Variants in PCSK1 observed in about 807,000 individuals in gnomAD.
PCSK1 encodes proprotein convertase subtilisin/kexin type 1, also known as neuroendocrine convertase 1.
In PCSK1, 56 loss-of-function variants were observed where a neutral mutation model predicts 90.6. The observed-to-expected ratio is 0.62, with a 90% CI of 0.50 to 0.77. The LOEUF (loss-of-function observed/expected upper bound fraction) is 0.77, where lower values mean the gene tolerates loss of function less well. Ranked by LOEUF, PCSK1 falls within the 30% of genes least tolerant of loss-of-function variation. PCSK1 has a pLI of 0.00. For synonymous variants in PCSK1, 348 were observed against 342.4 expected, an observed-to-expected ratio of 1.02 and a Z score of -0.18; for missense variants, 801 against 932.6, an observed-to-expected ratio of 0.86 and a Z score of 1.84.
chr5:96,419,422 T>TCTCTCTCTCC (rs1294504523), intron 5 of PCSK1, among the ~76,000 whole-genome samples: 1 of 144,026 alleles, frequency 6.9e-6, no homozygotes, highest in African/African-American at 2.8e-5. Context: ...TACCTCTCTC[T>TCTCTCTCTCC]CTCTCTCTCT....
intron 9 of PCSK1, among the ~76,000 whole-genome samples, chr5:96,406,706 G>A (rs1022578087): frequency 6.6e-6 from 1 of 152,216 alleles, no homozygotes; most frequent in Non-Finnish European, 1.5e-5. Flanking sequence ...CTGTTATTAC[G>A]AACTGAGTCT....
chr5:96,432,264 T>TC (rs952768889), intron 1 of PCSK1: 3 of 744,508 alleles, frequency 4.0e-6, no homozygotes, highest in South Asian at 1.8e-5. Context: ...CCACCATTTC[T>TC]CCCCCCAGCT....
At position 96,429,195 on chromosome 5, in the gene PCSK1, C is replaced by T; in HGVS notation, c.285+18G>A. 8.1e-7 allele frequency: 1 copy of T among 1,235,450 alleles called. No individual in the cohort carries two copies. The highest frequency in any genetic ancestry group is 1.9e-4 in the Middle Eastern group (1 of 5,288). 76.5% of individuals were successfully genotyped at this position (1,235,450 alleles called of 1,614,324 possible). On this transcript the variant is annotated intron_variant, in intron 2 of 13. Transcript: ENST00000311106. ...ATAAGCTAGAGTATTGGTTTGAAGACAAATGTACAACACTTACACGATCAT... is the reference window on the plus strand; with the variant it reads ...ATAAGCTAGAGTATTGGTTTGAAGATAAATGTACAACACTTACACGATCAT...
chr5:96,394,829 A>C (rs767373755), intron 13 of PCSK1, 35 bp downstream of exon 13: 1 of 1,608,944 alleles, frequency 6.2e-7, no homozygotes, highest in Non-Finnish European at 8.5e-7. Flanking sequence ...ACCCCAGTTC[A>C]AAAGAGAGCA....
intron 5 of PCSK1, among the ~76,000 whole-genome samples, chr5:96,418,587 A>C (rs541805443): frequency 1.3e-5 from 2 of 152,218 alleles, no homozygotes; most frequent in Non-Finnish European, 2.9e-5. Flanking sequence ...GGTAATAAAG[A>C]ACAACAGCAA....
In PCSK1 at chr5:96,399,957, G is replaced by A; in HGVS notation, c.1426C>T (p.Pro476Ser). Residue 476 changes from proline (P) to serine (S), a missense_variant, in exon 10 of 14, where the codon CCC becomes TCC. Coordinates refer to ENST00000311106, the MANE Select transcript of PCSK1 (RefSeq NM_000439.5). ...AAAATTCCAGGAGATACTTACCTGG[G>A]CTCAAAGTCATTGTCCTTTACAACA... ...ECVVKDNDFE[P>S]RALKANGEVI... 6.2e-7 allele frequency: 1 copy of A among 1,609,774 alleles called. No homozygotes were observed. The highest frequency in any genetic ancestry group is 8.5e-7 in the Non-Finnish European group (1 of 1,176,136).
At chr5:96,409,393 G>A (rs575321892) in intron 8 of PCSK1, among the ~76,000 whole-genome samples, 1 of 152,320 alleles carries the variant, frequency 6.6e-6, no homozygotes, top group East Asian at 1.9e-4. Flanking sequence ...CGGAAGCAAG[G>A]TTGCCCTTTT....
intron 2 of PCSK1, among the ~76,000 whole-genome samples, chr5:96,427,397 T>C (rs1271336020): frequency 6.6e-6 from 1 of 152,216 alleles, no homozygotes; most frequent in Non-Finnish European, 1.5e-5. Context: ...ATAGGTATCA[T>C]GTACTTAATT....
chr5:96,431,728 G>C (rs919897585), intron 1 of PCSK1, among the ~76,000 whole-genome samples: 1 of 152,090 alleles, frequency 6.6e-6, no homozygotes, highest in African/African-American at 2.4e-5. Flanking sequence ...TTCCCCAGAG[G>C]GTTCGGTCTA....
rs1761525032 is a variant in PCSK1 at position 96,432,194 on chromosome 5, C to G, written c.180+669G>C. On this transcript the variant is annotated intron_variant, in intron 1 of 13. Transcript: ENST00000311106. ...TATGAAGCTTGGACTTTATAAGTTC[C>G]CAGTGAAAAGCCGGAGCTCCCTAGA... The G allele has an allele frequency of 2.1e-6, 3 of 1,453,856 alleles. No homozygotes were observed. The East Asian group carries it at 7.4e-5, about 36-fold the overall frequency. 90.1% of individuals were successfully genotyped at this position (1,453,856 alleles called of 1,614,324 possible).
intron 6 of PCSK1, among the ~76,000 whole-genome samples, chr5:96,414,528 CAATAGGTGCCT>C (rs1760880491): frequency 1.3e-5 from 2 of 152,288 alleles, no homozygotes; most frequent in South Asian, 4.1e-4. Context: ...AACTGACATA[CAATAGGTGCCT>C]AATAAATGAA....
chr5:96,417,079 GA>G (rs1181333161), intron 5 of PCSK1, among the ~76,000 whole-genome samples: 1 of 152,210 alleles, frequency 6.6e-6, no homozygotes, highest in Non-Finnish European at 1.5e-5. Flanking sequence ...TAGAGTGAAA[GA>G]GAGGAAGGGT....
In PCSK1 at chr5:96,394,571, G is replaced by C. The variant is rs954582; in HGVS notation, c.1884+293C>G. On this transcript the variant is annotated intron_variant, in intron 13 of 13. Transcript: ENST00000311106. The stretch of plus-strand genomic sequence containing the variant: ...TACAAATGTTAGATATATGTGATTG[G>C]GCATAAAGATAACTTTTTTTTCCAT... Among the ~76,000 whole-genome samples the C allele has an allele frequency of 6.2e-3, 945 of 152,160 alleles. 14 individuals are homozygous for C. Among genetic ancestry groups the C allele is most frequent in the African/African-American group, 0.022 (898 of 41,496 alleles).
chr5:96,399,112 C>CT, intron 10 of PCSK1, 76 bp from the exon 11 acceptor site: 2 of 1,050,396 alleles, frequency 1.9e-6, no homozygotes, highest in Non-Finnish European at 2.9e-6. Context: ...CTGCATGCAT[C>CT]AATCTTGACT....
chr5:96,400,069 T>A lies in PCSK1; in HGVS notation c.1314A>T (p.Arg438=). ...KNGAGLMVNS[R]FGFGLLNAKA... is the part of the protein sequence containing the mutation. ...TGGCATTTAGCAAGCCAAATCCAAA[T>A]CGACTATTCACCATCAAGCCTGCTC... The change falls in exon 10 of 14, where the codon CGA becomes CGT. Residue 438 remains arginine (R), a synonymous_variant. Coordinates refer to ENST00000311106, the MANE Select transcript of PCSK1 (RefSeq NM_000439.5). 6.2e-7 allele frequency: 1 copy of A among 1,614,130 alleles called. No homozygotes were observed.
rs1761561367 is a variant in PCSK1 at position 96,433,133 on chromosome 5, C to T, written c.-91G>A. The stretch of plus-strand genomic sequence containing the variant: ...GCCAGACAGACTCCCCCTTCCCACC[C>T]TCGGGCTCTAGACCACTCCTGGCTC... On this transcript the variant is annotated 5_prime_UTR_variant, in exon 1 of 14. Coordinates refer to ENST00000311106, the MANE Select transcript of PCSK1 (RefSeq NM_000439.5). 1 of 1,251,572 alleles carries T rather than the reference C, an allele frequency of 8.0e-7. No homozygotes were observed. The highest frequency in any genetic ancestry group is 1.2e-6 in the Non-Finnish European group (1 of 855,848). The allele number at this position is 1,251,572 out of a possible 1,614,324, so 77.5% of individuals were successfully genotyped here. A position where few individuals can be genotyped will look rare whatever the true frequency, so the allele number is the denominator to read the frequency against.
At chr5:96,396,023 C>T (rs983828440) in intron 12 of PCSK1, among the ~76,000 whole-genome samples, 15 of 152,094 alleles carry the variant, frequency 9.9e-5, no homozygotes, top group African/African-American at 3.1e-4. Context: ...AATAGATTTT[C>T]TTAGTTTCCT....
intron 9 of PCSK1, among the ~76,000 whole-genome samples, chr5:96,403,101 A>C (rs1412628613): frequency 6.6e-6 from 1 of 152,140 alleles, no homozygotes. Flanking sequence ...CAAGGTGCTG[A>C]TAATCATGAT....
chr5:96,430,800 T>C (rs1761467212), intron 1 of PCSK1, among the ~76,000 whole-genome samples: 1 of 152,226 alleles, frequency 6.6e-6, no homozygotes, highest in Non-Finnish European at 1.5e-5. Flanking sequence ...GTAAATCATA[T>C]ATAAATATAG....
Sources: gnomAD v4.1 joint callset for allele counts (sites outside exome capture counted in the v4.1 genomes callset) on GRCh38, gnomAD v4.1.1 for gene constraint, MANE v1.5 for transcripts, NCBI Gene and HGNC (gene_info 2026-07-23, HGNC 2026-07-21) for gene names.